PDE4B: variants seen among roughly 807,000 people sequenced by gnomAD.
PDE4B encodes the protein phosphodiesterase 4B.
PDE4B carries 20 observed loss-of-function variants against 82.2 expected under a neutral mutation model. That is an observed-to-expected ratio of 0.24 (90% CI 0.17 to 0.35). The LOEUF (loss-of-function observed/expected upper bound fraction) is 0.35, where lower values mean the gene tolerates loss of function less well. Ranked by LOEUF, PDE4B falls within the 10% of genes least tolerant of loss-of-function variation. The pLI is 1.00. For synonymous variants in PDE4B, 320 were observed against 318.9 expected, an observed-to-expected ratio of 1.00 and a Z score of -0.04; for missense variants, 655 against 907.2, an observed-to-expected ratio of 0.72 and a Z score of 3.57.
intron 2 of PDE4B, among the ~76,000 whole-genome samples, chr1:65,915,230 A>G (rs1647146144): frequency 6.6e-6 from 1 of 152,216 alleles, no homozygotes; most frequent in African/African-American, 2.4e-5. Flanking sequence ...TAAGAGCGAT[A>G]AAAATTATTC....
chr1:66,320,525 A>G (rs1211893329), intron 7 of PDE4B, among the ~76,000 whole-genome samples: 1 of 152,210 alleles, frequency 6.6e-6, no homozygotes, highest in Non-Finnish European at 1.5e-5. Flanking sequence ...AAAAAAGAAC[A>G]AAGGACAAGT....
At chr1:66,163,568 T>C (rs931168055) in intron 3 of PDE4B, among the ~76,000 whole-genome samples, 14 of 152,074 alleles carry the variant, frequency 9.2e-5, no homozygotes, top group Admixed American at 3.3e-4. Flanking sequence ...ATTACTCATG[T>C]AAAGAAATTG....
At chr1:66,298,580 G>A (rs965346886) in intron 7 of PDE4B, among the ~76,000 whole-genome samples, 7 of 152,148 alleles carry the variant, frequency 4.6e-5, no homozygotes, top group Non-Finnish European at 1.0e-4. Flanking sequence ...CAACTTTTAT[G>A]GGGCAGGGCC....
intron 12 of PDE4B, among the ~76,000 whole-genome samples, chr1:66,363,955 A>G (rs1226717009): frequency 1.3e-5 from 2 of 152,116 alleles, no homozygotes; most frequent in African/African-American, 4.8e-5. Flanking sequence ...TATCAGAGTA[A>G]CCTTCCCTTT....
intron 1 of PDE4B, among the ~76,000 whole-genome samples, chr1:65,880,487 G>A (rs568647124): frequency 6.6e-6 from 1 of 152,280 alleles, no homozygotes; most frequent in East Asian, 1.9e-4. Context: ...AATCCTCAAG[G>A]TGATGGTATT....
intron 3 of PDE4B, among the ~76,000 whole-genome samples, chr1:66,169,343 C>T (rs1646795595): frequency 6.6e-6 from 1 of 152,192 alleles, no homozygotes; most frequent in Non-Finnish European, 1.5e-5. Context: ...TTTAAATATA[C>T]ACCAGCATGC....
At chr1:66,135,138 T>C (rs913845432) in intron 3 of PDE4B, among the ~76,000 whole-genome samples, 4 of 152,118 alleles carry the variant, frequency 2.6e-5, no homozygotes, top group Non-Finnish European at 5.9e-5. Flanking sequence ...TTGGTGTGTA[T>C]TGGTGGAAGC....
At chr1:65,984,294 A>T (rs77164216) in intron 3 of PDE4B, among the ~76,000 whole-genome samples, 10,975 of 152,270 alleles carry the variant, frequency 0.072, 944 homozygotes, top group East Asian at 0.43. Context: ...GTGATGGAGA[A>T]CAGATCACAG....
At chr1:65,880,558 A>C (rs542493812) in intron 1 of PDE4B, among the ~76,000 whole-genome samples, 203 of 152,280 alleles carry the variant, frequency 1.3e-3, no homozygotes, top group African/African-American at 4.6e-3. Context: ...GCATGAGATT[A>C]ATGCCTTCAT....
Position 66,269,265 on chromosome 1 carries a change from A to T in PDE4B, c.634+3178A>T, listed in dbSNP as rs185165780. On this transcript the variant is annotated intron_variant, in intron 7 of 16. Coordinates refer to ENST00000341517, the MANE Select transcript of PDE4B (RefSeq NM_002600.4). ...TGAACAAAAAGAGTGAAATCTAAGA[A>T]GTTGGCATTTAGCACTTTGAATAAG... 1.7e-3 allele frequency among the ~76,000 whole-genome samples: 261 copies of T among 152,370 alleles called. 2 individuals are homozygous for T. The highest frequency in any genetic ancestry group is 6.0e-3 in the African/African-American group (248 of 41,596).
intron 7 of PDE4B, among the ~76,000 whole-genome samples, chr1:66,289,485 G>A (rs1207926005): frequency 2.6e-5 from 4 of 152,040 alleles, no homozygotes; most frequent in Non-Finnish European, 5.9e-5. Context: ...ACTATTCCAG[G>A]ATGGGAAACA....
chr1:66,180,653 C>T (rs1037542738), intron 3 of PDE4B, among the ~76,000 whole-genome samples: 3 of 152,164 alleles, frequency 2.0e-5, no homozygotes, highest in Admixed American at 2.0e-4. Context: ...ACTTGGGCAG[C>T]TATTCACTTG....
chr1:65,989,849 T>C (rs1278953121), intron 3 of PDE4B, among the ~76,000 whole-genome samples: 1 of 152,102 alleles, frequency 6.6e-6, no homozygotes, highest in Admixed American at 6.6e-5. Context: ...CTATTTCCTA[T>C]CTTGTAGGCT....
At position 65,998,193 on chromosome 1, in the gene PDE4B, G is replaced by A. The variant is rs1405305373; in HGVS notation, c.281+79358G>A. On this transcript the variant is annotated intron_variant, in intron 3 of 16. Coordinates refer to ENST00000341517, the MANE Select transcript of PDE4B (RefSeq NM_002600.4). ...TCATTTTATAGGAAAAGGAATAAAG[G>A]TCAGACAGGACAAGTAATTTGTTCA... Among the ~76,000 whole-genome samples, 4 of 152,080 alleles carry A rather than the reference G, an allele frequency of 2.6e-5. No homozygotes were observed. In the East Asian group the frequency reaches 7.7e-4, roughly 29 times the overall value.
intron 1 of PDE4B, among the ~76,000 whole-genome samples, chr1:65,845,442 G>A (rs1318946739): frequency 1.3e-5 from 2 of 152,098 alleles, no homozygotes; most frequent in East Asian, 1.9e-4. Context: ...CTTCAGTCTC[G>A]TGTGAGTCAA....
intron 10 of PDE4B, among the ~76,000 whole-genome samples, 173 bp from the exon 11 acceptor site, chr1:66,362,995 G>T (rs1662916363): frequency 6.6e-6 from 1 of 152,066 alleles, no homozygotes; most frequent in Non-Finnish European, 1.5e-5. Context: ...CTATCATGAA[G>T]AGGACACCCG....
intron 3 of PDE4B, among the ~76,000 whole-genome samples, chr1:65,930,841 CT>C (rs1202396207): frequency 6.6e-6 from 1 of 152,160 alleles, no homozygotes; most frequent in Non-Finnish European, 1.5e-5. Flanking sequence ...TGAATTAAGA[CT>C]TTGGGAAACT....
chr1:66,350,021 G>A (rs1048757770), intron 8 of PDE4B, among the ~76,000 whole-genome samples: 4 of 151,956 alleles, frequency 2.6e-5, no homozygotes, highest in East Asian at 1.9e-4. Flanking sequence ...GACAGGGACA[G>A]ACTCTGTTTA....
At chr1:66,360,163 G>A (rs1341970505) in intron 9 of PDE4B, among the ~76,000 whole-genome samples, 3 of 152,100 alleles carry the variant, frequency 2.0e-5, no homozygotes, top group Non-Finnish European at 4.4e-5. Flanking sequence ...GACTAGGTTG[G>A]AAACCCCTAA....
Sources: allele counts gnomAD v4.1 joint callset (sites outside exome capture counted in the v4.1 genomes callset), GRCh38; gene constraint gnomAD v4.1.1; transcripts MANE v1.5; gene names NCBI Gene and HGNC (gene_info 2026-07-23, HGNC 2026-07-21).